Variants in AFAP1 observed in about 807,000 individuals in gnomAD.
The protein encoded by AFAP1 is actin filament associated protein 1.
AFAP1 carries 75 observed loss-of-function variants against 93.9 expected under a neutral mutation model. The ratio of observed to expected loss-of-function variants is 0.80; its 90% CI spans 0.66 to 0.97. The LOEUF (loss-of-function observed/expected upper bound fraction) is 0.97. Among genes scored for constraint, AFAP1 ranks in the 50% least tolerant of loss-of-function variants. AFAP1 has a pLI of 0.00. For missense variants in AFAP1, 1,201 were observed against 1,050.8 expected (o/e 1.14, Z -1.98); for synonymous variants, 517 against 430.7 (o/e 1.20, Z -2.48).
chr4:7,927,778 G>C (rs1022098699), intron 1 of AFAP1, among the ~76,000 whole-genome samples: 16 of 152,132 alleles, frequency 1.1e-4, no homozygotes, highest in Non-Finnish European at 1.9e-4. Flanking sequence ...TTCTAGAGAA[G>C]GGGGGATAAA....
At chr4:7,877,839 C>G (rs1432599405) in intron 1 of AFAP1, among the ~76,000 whole-genome samples, 1 of 152,186 alleles carries the variant, frequency 6.6e-6, no homozygotes, top group Non-Finnish European at 1.5e-5. Context: ...GAAATGTCAA[C>G]ATAGACTACA....
Position 7,836,774 on chromosome 4 carries a change from A to G in AFAP1, c.726+1750T>C, listed in dbSNP as rs867725400. Among the ~76,000 whole-genome samples the G allele has an allele frequency of 3.9e-5, 6 of 152,242 alleles. 1 individual carries two copies. The South Asian group carries it at 8.3e-4, about 21-fold the overall frequency. On this transcript the variant is annotated intron_variant, in intron 6 of 17. Coordinates refer to ENST00000420658, the MANE Select transcript of AFAP1 (RefSeq NM_001134647.2). ...GTACAGTGTTCTTTTTGGAGCGACG[A>G]AATTCAGCATCTAGACTATGGTGAT...
intron 1 of AFAP1, among the ~76,000 whole-genome samples, chr4:7,879,320 G>A (rs553161573): frequency 2.4e-4 from 36 of 152,216 alleles, no homozygotes; most frequent in Admixed American, 6.5e-4. Flanking sequence ...TATTACAGAC[G>A]GTAGGAATCA....
chr4:7,928,409 A>G (rs1720886601), intron 1 of AFAP1, among the ~76,000 whole-genome samples: 1 of 151,888 alleles, frequency 6.6e-6, no homozygotes, highest in South Asian at 2.1e-4. Flanking sequence ...TTTTTTTGAG[A>G]CAGTCTCTCT....
intron 3 of AFAP1, among the ~76,000 whole-genome samples, chr4:7,864,562 T>TAGAACA (rs1315498754): frequency 6.6e-6 from 1 of 152,208 alleles, no homozygotes; most frequent in Non-Finnish European, 1.5e-5. Flanking sequence ...AGTTGACAGC[T>TAGAACA]GTTCTCTATT....
At chr4:7,933,335 G>T (rs1721199663) in intron 1 of AFAP1, among the ~76,000 whole-genome samples, 1 of 152,036 alleles carries the variant, frequency 6.6e-6, no homozygotes, top group Admixed American at 6.5e-5. Flanking sequence ...AGCACTTTGG[G>T]AGGCCAAGTT....
At chr4:7,925,423 G>A (rs1370303170) in intron 1 of AFAP1, among the ~76,000 whole-genome samples, 5 of 152,156 alleles carry the variant, frequency 3.3e-5, no homozygotes, top group South Asian at 2.1e-4. Context: ...TAGCAATTAC[G>A]TGGCCTTGGC....
chr4:7,761,129 CTAATATGTACAGAT>C lies in AFAP1; in HGVS notation c.*2622_*2635del, dbSNP rs1198270936. 5 of 152,180 alleles carry C rather than the reference CTAATATGTACAGAT, an allele frequency of 3.3e-5. No individual in the cohort carries two copies. Among genetic ancestry groups the C allele is most frequent in the Admixed American group, 3.3e-4 (5 of 15,274 alleles). The allele number at this position is 152,180 out of a possible 1,614,324, so 9.4% of individuals were successfully genotyped here. Reference sequence around the variant, plus strand: ...TTCTGGCAAGATGGCTCGCGTGTGTCTAATATGTACAGATATAAATTAAAAACTATATTTATTGA... The same window carrying C: ...TTCTGGCAAGATGGCTCGCGTGTGTCATAAATTAAAAACTATATTTATTGA... On this transcript the variant is annotated 3_prime_UTR_variant, in exon 18 of 18. Coordinates refer to ENST00000420658, the MANE Select transcript of AFAP1 (RefSeq NM_001134647.2).
chr4:7,825,542 G>C (rs1373171937), intron 6 of AFAP1, among the ~76,000 whole-genome samples: 1 of 152,128 alleles, frequency 6.6e-6, no homozygotes, highest in Non-Finnish European at 1.5e-5. Flanking sequence ...ATTTTGAGCT[G>C]AATAATAAAA....
intron 7 of AFAP1, among the ~76,000 whole-genome samples, chr4:7,818,632 C>A (rs1483674473): frequency 6.6e-5 from 10 of 152,220 alleles, no homozygotes. Context: ...CAGGCCATCC[C>A]CGCCCACTGC....
At chr4:7,811,992 A>C (rs189548781) in intron 8 of AFAP1, among the ~76,000 whole-genome samples, 24 of 150,444 alleles carry the variant, frequency 1.6e-4, no homozygotes, top group African/African-American at 5.6e-4. Context: ...CTTTTAAAAT[A>C]AAGCGCCGAG....
intron 3 of AFAP1, among the ~76,000 whole-genome samples, chr4:7,857,163 C>T (rs1412749878): frequency 6.6e-6 from 1 of 152,144 alleles, no homozygotes; most frequent in Non-Finnish European, 1.5e-5. Context: ...TGGAACAGAG[C>T]AGAGGCCCCA....
At chr4:7,779,806 C>T (rs1417851711) in intron 13 of AFAP1, among the ~76,000 whole-genome samples, 1 of 152,182 alleles carries the variant, frequency 6.6e-6, no homozygotes, top group East Asian at 1.9e-4. Context: ...ATGGATAGAG[C>T]ATATGGCACA....
chr4:7,874,138 G>C (rs1011153229), intron 1 of AFAP1, among the ~76,000 whole-genome samples: 2 of 152,164 alleles, frequency 1.3e-5, no homozygotes, highest in Non-Finnish European at 2.9e-5. Context: ...ACAAAGTCAT[G>C]TATGGGTAAA....
chr4:7,780,799 T>G (rs1217137152), intron 13 of AFAP1, among the ~76,000 whole-genome samples: 3 of 152,222 alleles, frequency 2.0e-5, no homozygotes, highest in Non-Finnish European at 4.4e-5. Context: ...ATCTAGTTTT[T>G]GGGAGTATAC....
chr4:7,856,680 G>C (rs1715115363), intron 3 of AFAP1, among the ~76,000 whole-genome samples: 2 of 152,194 alleles, frequency 1.3e-5, no homozygotes, highest in Admixed American at 1.3e-4. Context: ...CTGTGCTCAA[G>C]TCCCCTCTTT....
intron 12 of AFAP1, among the ~76,000 whole-genome samples, chr4:7,785,798 T>C (rs1331428098): frequency 6.6e-6 from 1 of 151,994 alleles, no homozygotes; most frequent in African/African-American, 2.4e-5. Context: ...ATGAGTGGGA[T>C]GTGGTGGTGT....
Position 7,760,962 on chromosome 4 carries a change from A to C in AFAP1, c.*2803T>G, listed in dbSNP as rs1380419161. 6.6e-6 allele frequency: 1 copy of C among 152,044 alleles called. No homozygotes were observed. Among genetic ancestry groups the C allele is most frequent in the African/African-American group, 2.4e-5 (1 of 41,402 alleles). 9.4% of individuals were successfully genotyped at this position (152,044 alleles called of 1,614,324 possible). On this transcript the variant is annotated 3_prime_UTR_variant, in exon 18 of 18. Transcript: ENST00000420658. ...GCGAAGAAATCCGGCTTCTCCGGGGACCCTGGCCTGCCTGTCGGGCCTCTT... is the reference window on the plus strand; with the variant it reads ...GCGAAGAAATCCGGCTTCTCCGGGGCCCCTGGCCTGCCTGTCGGGCCTCTT...
At chr4:7,843,826 T>A (rs1713357666) in intron 4 of AFAP1, 1 of 166,388 alleles carries the variant, frequency 6.0e-6, no homozygotes, top group Non-Finnish European at 1.3e-5. Context: ...ACACTCAATA[T>A]GCAACCAAGG....
Sources: gnomAD v4.1 joint callset for allele counts (sites outside exome capture counted in the v4.1 genomes callset) on GRCh38, gnomAD v4.1.1 for gene constraint, MANE v1.5 for transcripts, NCBI Gene and HGNC (gene_info 2026-07-23, HGNC 2026-07-21) for gene names.